Variants in SUPT3H observed in about 807,000 individuals in gnomAD.
SUPT3H encodes SPT3 homolog, SAGA and STAGA complex component, also known as transcription initiation protein SPT3 homolog.
In SUPT3H, 44 loss-of-function variants were observed where a neutral mutation model predicts 44.3. That is an observed-to-expected ratio of 0.99 (90% CI 0.78 to 1.28). The LOEUF is 1.28. Among genes scored for constraint, SUPT3H ranks in the 50% most tolerant of loss-of-function variants. The probability of loss-of-function intolerance (pLI) is 0.00; values close to 1 mark genes in which losing one functional copy is unlikely to be tolerated. For missense variants in SUPT3H, 380 were observed against 387.1 expected, an observed-to-expected ratio of 0.98 and a Z score of 0.15; for synonymous variants, 124 against 125.6, an observed-to-expected ratio of 0.99 and a Z score of 0.09.
intron 2 of SUPT3H, among the ~76,000 whole-genome samples, chr6:45,289,597 G>C (rs1480913969): frequency 6.6e-6 from 1 of 152,122 alleles, no homozygotes; most frequent in African/African-American, 2.4e-5. Flanking sequence ...GATATCATCT[G>C]AATAACTTGA....
At chr6:45,336,919 T>C (rs1788681449) in intron 2 of SUPT3H, among the ~76,000 whole-genome samples, 1 of 151,656 alleles carries the variant, frequency 6.6e-6, no homozygotes. Context: ...TTAATAAAAA[T>C]GGCCTTACTC....
At chr6:44,971,081 C>T (rs1275311568) in intron 6 of SUPT3H, among the ~76,000 whole-genome samples, 1 of 150,998 alleles carries the variant, frequency 6.6e-6, no homozygotes, top group Non-Finnish European at 1.5e-5. Context: ...TTGCAATCTC[C>T]CTTTGTTGCT....
intron 10 of SUPT3H, among the ~76,000 whole-genome samples, chr6:44,896,725 T>C (rs1764182759): frequency 6.6e-6 from 1 of 152,178 alleles, no homozygotes; most frequent in African/African-American, 2.4e-5. Flanking sequence ...CTTATATGTA[T>C]AAAATTCCTC....
At chr6:45,091,317 C>CAAA (rs1016793673) in intron 3 of SUPT3H, among the ~76,000 whole-genome samples, 1 of 151,924 alleles carries the variant, frequency 6.6e-6, no homozygotes, top group African/African-American at 2.4e-5. Context: ...TTCTCTTTTT[C>CAAA]AATTACTTCT....
chr6:45,127,841 T>C (rs1562512151), intron 2 of SUPT3H, among the ~76,000 whole-genome samples: 1 of 152,232 alleles, frequency 6.6e-6, no homozygotes, highest in African/African-American at 2.4e-5. Context: ...CATTTAGAGC[T>C]ATAAATTTCT....
chr6:45,171,402 TAAG>T (rs954498544), intron 2 of SUPT3H, among the ~76,000 whole-genome samples: 22 of 152,258 alleles, frequency 1.4e-4, no homozygotes, highest in Admixed American at 3.9e-4. Flanking sequence ...AAAATACTCT[TAAG>T]AAATATTTGC....
At chr6:45,252,901 C>T (rs1349039230) in intron 2 of SUPT3H, among the ~76,000 whole-genome samples, 1 of 151,908 alleles carries the variant, frequency 6.6e-6, no homozygotes, top group African/African-American at 2.4e-5. Flanking sequence ...CCTGGGAGGA[C>T]TGGATTCAAA....
At chr6:45,208,555 C>G (rs1044856086) in intron 2 of SUPT3H, among the ~76,000 whole-genome samples, 3 of 152,028 alleles carry the variant, frequency 2.0e-5, no homozygotes, top group African/African-American at 7.2e-5. Context: ...GAAACCCTGT[C>G]CCTACTAAAG....
intron 3 of SUPT3H, among the ~76,000 whole-genome samples, chr6:45,075,241 C>T (rs1316990264): frequency 6.6e-6 from 1 of 152,040 alleles, no homozygotes. Context: ...TGTGCTTGTA[C>T]ATTTTTAAAT....
chr6:45,058,535 T>C (rs912856537), intron 3 of SUPT3H, among the ~76,000 whole-genome samples: 31 of 152,124 alleles, frequency 2.0e-4, no homozygotes, highest in African/African-American at 7.5e-4. Context: ...TACAGAGTGA[T>C]TTTCAGTTTG....
At chr6:44,903,990 C>G (rs1765553686) in intron 10 of SUPT3H, among the ~76,000 whole-genome samples, 1 of 152,100 alleles carries the variant, frequency 6.6e-6, no homozygotes, top group Admixed American at 6.5e-5. Context: ...GCCCTTCATC[C>G]TAAAAACTCT....
chr6:45,167,598 A>G (rs1810099338), intron 2 of SUPT3H, among the ~76,000 whole-genome samples: 1 of 150,852 alleles, frequency 6.6e-6, no homozygotes, highest in South Asian at 2.1e-4. Flanking sequence ...ATCAAACTCA[A>G]CATTTTTTAT....
At chr6:44,848,010 A>G (rs566866362) in intron 10 of SUPT3H, among the ~76,000 whole-genome samples, 17 of 117,032 alleles carry the variant, frequency 1.5e-4, no homozygotes, top group South Asian at 1.1e-3. Context: ...TCTGTTATCC[A>G]GGCTGGAGTG....
In SUPT3H at chr6:45,377,906, T is replaced by C. The variant is rs1797049977; in HGVS notation, c.-139A>G. On this transcript the variant is annotated 5_prime_UTR_variant, in exon 1 of 11. Transcript: ENST00000371459. The stretch of plus-strand genomic sequence containing the variant: ...GGTGGGGGACTGAGAGTGTGGAGTG[T>C]AGAAAGGGAAAAGGTGACTCGGCTG... 6.8e-6 allele frequency: 1 copy of C among 146,766 alleles called. No individual in the cohort carries two copies. Among genetic ancestry groups the C allele is most frequent in the Admixed American group, 6.8e-5 (1 of 14,652 alleles). The allele number at this position is 146,766 out of a possible 1,614,324, so 9.1% of individuals were successfully genotyped here. A position where few individuals can be genotyped will look rare whatever the true frequency, so the allele number is the denominator to read the frequency against.
chr6:44,960,224 T>C (rs1338931733), intron 7 of SUPT3H, among the ~76,000 whole-genome samples: 1 of 151,812 alleles, frequency 6.6e-6, no homozygotes, highest in African/African-American at 2.4e-5. Flanking sequence ...CTGGCCAACA[T>C]AGTGAAACCC....
At chr6:45,322,225 T>C (rs1442647992) in intron 2 of SUPT3H, among the ~76,000 whole-genome samples, 6 of 151,862 alleles carry the variant, frequency 4.0e-5, no homozygotes, top group Non-Finnish European at 8.8e-5. Context: ...AATCATCCCA[T>C]AAAAAGACTG....
intron 9 of SUPT3H, among the ~76,000 whole-genome samples, chr6:44,945,514 A>G (rs750330858): frequency 1.3e-5 from 2 of 152,228 alleles, no homozygotes; most frequent in African/African-American, 2.4e-5. Context: ...CACTGAACAC[A>G]CAAATGATAA....
chr6:44,924,954 A>C (rs1219793475), intron 10 of SUPT3H, among the ~76,000 whole-genome samples: 3 of 152,208 alleles, frequency 2.0e-5, no homozygotes, highest in Non-Finnish European at 4.4e-5. Flanking sequence ...TTGAACACAT[A>C]AGATGCAGAC....
chr6:45,307,870 G>C (rs1005877251), intron 2 of SUPT3H, among the ~76,000 whole-genome samples: 7 of 152,092 alleles, frequency 4.6e-5, no homozygotes, highest in African/African-American at 1.2e-4. Flanking sequence ...AATAAGATTA[G>C]ACAAATGGCT....
Sources: allele counts gnomAD v4.1 joint callset (sites outside exome capture counted in the v4.1 genomes callset), GRCh38; gene constraint gnomAD v4.1.1; transcripts MANE v1.5; gene names NCBI Gene and HGNC (gene_info 2026-07-23, HGNC 2026-07-21).